TATDN2: variants seen among roughly 807,000 people sequenced by gnomAD.
TATDN2 encodes the protein 3'-5' RNA nuclease TATDN2.
TATDN2 carries 44 observed loss-of-function variants against 60.3 expected under a neutral mutation model. The ratio of observed to expected loss-of-function variants is 0.73; its 90% confidence interval spans 0.57 to 0.94. The LOEUF (loss-of-function observed/expected upper bound fraction) is 0.94, where lower values mean the gene tolerates loss of function less well. TATDN2 is among the 40% of genes least tolerant of loss of function. TATDN2 has a pLI of 0.00. For synonymous variants in TATDN2, 399 were observed against 355.8 expected (o/e 1.12, Z -1.37); for missense variants, 997 against 948.0 (o/e 1.05, Z -0.68).
chr3:10,278,584 G>C lies in TATDN2; in HGVS notation c.2145+122G>C, dbSNP rs1323765496. On this transcript the variant is annotated intron_variant, in intron 6 of 7. Transcript: ENST00000448281. This position sits in a 1 kb window ranked among gnomAD's most constrained non-coding sequence, Gnocchi z 4.7. ...ACTTCCAGGTCCCATCCTGGGCTGT[G>C]TAGATGCCTCCTTGCTGTTACTCTG... is the stretch of plus-strand genomic sequence containing the variant. 5.3e-6 allele frequency: 7 copies of C among 1,332,838 alleles called. No homozygotes were observed. The highest frequency in any genetic ancestry group is 7.5e-6 in the Non-Finnish European group (7 of 934,428). 82.6% of individuals were successfully genotyped at this position (1,332,838 alleles called of 1,614,324 possible). A position where few individuals can be genotyped will look rare whatever the true frequency, so the allele number is the denominator to read the frequency against.
At chr3:10,259,745 A>C (rs1389845437) in intron 2 of TATDN2, among the ~76,000 whole-genome samples, 1 of 152,178 alleles carries the variant, frequency 6.6e-6, no homozygotes, top group Non-Finnish European at 1.5e-5. Context: ...CTGGGTCCTC[A>C]GGTTTCCTTT....
At chr3:10,267,711 C>G (rs909075803) in intron 3 of TATDN2, among the ~76,000 whole-genome samples, 3 of 152,160 alleles carry the variant, frequency 2.0e-5, no homozygotes, top group African/African-American at 7.2e-5. Flanking sequence ...CACATTGAGG[C>G]AGTCTGTTTC....
chr3:10,278,689 G>A lies in TATDN2; in HGVS notation c.2146-196G>A. On this transcript the variant is annotated intron_variant, in intron 6 of 7. Transcript: ENST00000448281. The surrounding 1 kb of genome is among the most constrained non-coding windows in gnomAD (Gnocchi z 4.7). ...GCAGTGCAAAGCCCTACCCTGTAGA[G>A]GGTAGTCCAAGGAAGCGTGGGACCC... 1 of 989,530 alleles carries A rather than the reference G, an allele frequency of 1.0e-6. No individual in the cohort carries two copies. Among genetic ancestry groups the A allele is most frequent in the Non-Finnish European group, 1.5e-6 (1 of 646,144 alleles). 61.3% of individuals were successfully genotyped at this position (989,530 alleles called of 1,614,324 possible).
intron 2 of TATDN2, among the ~76,000 whole-genome samples, chr3:10,250,676 G>A (rs1698222336): frequency 6.6e-6 from 1 of 152,158 alleles, no homozygotes; most frequent in Non-Finnish European, 1.5e-5. Context: ...TTTCAATGTG[G>A]ACCTCACTGT....
chr3:10,248,588 C>G lies in TATDN2; in HGVS notation c.-486C>G, dbSNP rs556226758. On this transcript the variant is annotated 5_prime_UTR_variant, in exon 1 of 8. Transcript: ENST00000448281. ...GGGCTGGGGCAGGCGGCGGGCTGCCCGGCGGGACAGCTGCGGCAGCCGGCG... is the reference window on the plus strand; with the variant it reads ...GGGCTGGGGCAGGCGGCGGGCTGCCGGGCGGGACAGCTGCGGCAGCCGGCG... The G allele has an allele frequency of 8.3e-3, 1,259 of 151,960 alleles. 9 individuals are homozygous for G. Among genetic ancestry groups the G allele is most frequent in the Non-Finnish European group, 0.011 (768 of 68,004 alleles). The allele number at this position is 151,960 out of a possible 1,614,324, so 9.4% of individuals were successfully genotyped here.
At chr3:10,254,258 C>T (rs983277287) in intron 2 of TATDN2, among the ~76,000 whole-genome samples, 2 of 151,904 alleles carry the variant, frequency 1.3e-5, no homozygotes, top group African/African-American at 4.8e-5. Context: ...TTTGGAGTAC[C>T]CAAGGGTCAG....
At chr3:10,276,088 G>T (rs1022439464) in intron 4 of TATDN2, among the ~76,000 whole-genome samples, 1 of 152,228 alleles carries the variant, frequency 6.6e-6, no homozygotes, top group African/African-American at 2.4e-5. Context: ...TGCTATAGCT[G>T]CTGGCTGCAA....
At chr3:10,276,611 C>T (rs1381613428) in intron 5 of TATDN2, 123 bp downstream of exon 5, 31 of 1,291,822 alleles carry the variant, frequency 2.4e-5, no homozygotes, top group African/African-American at 2.0e-4. Context: ...TTTTTCGAGA[C>T]GGAATCTCAC....
intron 5 of TATDN2, among the ~76,000 whole-genome samples, chr3:10,277,129 G>A (rs2125182052): frequency 6.6e-6 from 1 of 152,184 alleles, no homozygotes; most frequent in South Asian, 2.1e-4. Flanking sequence ...GGGGTGTGGT[G>A]GCTTAGCACA....
In TATDN2 at chr3:10,248,460, T is replaced by C. The variant is rs7647843; in HGVS notation, c.-614T>C. On this transcript the variant is annotated 5_prime_UTR_variant, in exon 1 of 8. Transcript: ENST00000448281. The stretch of plus-strand genomic sequence containing the variant: ...CCGTTTGGCGCAGGCCCCGCCCCTG[T>C]CGCTCTCCGGCCTGCGGGCCGCAGG... 82,587 of 152,046 alleles carry C rather than the reference T, an allele frequency of 0.54. 24,900 individuals are homozygous for C. Among genetic ancestry groups the C allele is most frequent in the East Asian group, 0.95 (4,891 of 5,142 alleles). The allele number at this position is 152,046 out of a possible 1,614,324, so 9.4% of individuals were successfully genotyped here. A position where few individuals can be genotyped will look rare whatever the true frequency, so the allele number is the denominator to read the frequency against.
intron 2 of TATDN2, among the ~76,000 whole-genome samples, chr3:10,249,906 T>C (rs1267025034): frequency 6.6e-6 from 1 of 152,200 alleles, no homozygotes; most frequent in Non-Finnish European, 1.5e-5. Flanking sequence ...TTTATTGGGC[T>C]GAGGTGTGGT....
chr3:10,270,923 C>G lies in TATDN2; in HGVS notation c.1741C>G (p.Gln581Glu), dbSNP rs368014276. 21 of 1,614,054 alleles carry G rather than the reference C, an allele frequency of 1.3e-5. No homozygotes were observed. The highest frequency in any genetic ancestry group is 1.8e-5 in the Non-Finnish European group (21 of 1,180,036). The stretch of plus-strand genomic sequence containing the variant: ...TGAGAGTCAAGAAAGAAATCTTTTG[C>G]AAGCCTTAAGGCACCCTAAGGCTGT... Reference protein sequence around the residue: ...YSESQERNLLQALRHPKAVAF... With the variant: ...YSESQERNLLEALRHPKAVAF... Residue 581 changes from glutamine (Q) to glutamate (E), a missense_variant, in exon 4 of 8, where the codon CAA becomes GAA. Coordinates refer to ENST00000448281, the MANE Select transcript of TATDN2 (RefSeq NM_014760.4).
intron 3 of TATDN2, among the ~76,000 whole-genome samples, chr3:10,263,843 T>C (rs1220552334): frequency 6.6e-6 from 1 of 152,208 alleles, no homozygotes; most frequent in Non-Finnish European, 1.5e-5. Flanking sequence ...GTAAAGACTT[T>C]GAGCTTTGCT....
rs951450800 is a variant in TATDN2, at chr3:10,248,612, CG to C, written c.-456del. 6.6e-6 allele frequency: 1 copy of C among 151,888 alleles called. No individual in the cohort carries two copies. Among genetic ancestry groups the C allele is most frequent in the Non-Finnish European group, 1.5e-5 (1 of 67,982 alleles). 9.4% of individuals were successfully genotyped at this position (151,888 alleles called of 1,614,324 possible). A position where few individuals can be genotyped will look rare whatever the true frequency, so the allele number is the denominator to read the frequency against. ...CCGGCGGGACAGCTGCGGCAGCCGG[CG>C]GGGGGCGTCCTGAGTTGGCGGTCGA... On this transcript the variant is annotated 5_prime_UTR_variant, in exon 1 of 8. Coordinates refer to ENST00000448281, the MANE Select transcript of TATDN2 (RefSeq NM_014760.4).
chr3:10,268,374 G>C (rs1322363581), intron 3 of TATDN2, among the ~76,000 whole-genome samples: 1 of 152,208 alleles, frequency 6.6e-6, no homozygotes, highest in Non-Finnish European at 1.5e-5. Context: ...CAGCTAGAAT[G>C]CTCTTTCATT....
At position 10,260,400 on chromosome 3, in the gene TATDN2, GAGTGAAGGACCAGCCA is replaced by G; in HGVS notation, c.681_696del (p.Ser227ArgfsTer44). ...CCAGCCATGGAGAAGGACCAGCCAG[GAGTGAAGGACCAGCCA>G]AGACTGCAGAAGGAGCAGCCAGGAG... is the stretch of plus-strand genomic sequence containing the variant. On this transcript the variant is annotated frameshift_variant, in exon 3 of 8. Transcript: ENST00000448281. LOFTEE classifies it high-confidence loss of function. 1 of 1,613,630 alleles carries G rather than the reference GAGTGAAGGACCAGCCA, an allele frequency of 6.2e-7. No individual in the cohort carries two copies. Among genetic ancestry groups the G allele is most frequent in the East Asian group, 2.2e-5 (1 of 44,870 alleles).
chr3:10,262,557 G>T (rs1698422212), intron 3 of TATDN2, among the ~76,000 whole-genome samples: 1 of 110,076 alleles, frequency 9.1e-6, no homozygotes. Context: ...TTTTTGAGGT[G>T]GAGTCTCGTT....
In TATDN2 at chr3:10,271,028, T is replaced by G; in HGVS notation, c.1833+13T>G. The G allele has an allele frequency of 6.5e-7, 1 of 1,530,434 alleles. No homozygotes were observed. The highest frequency in any genetic ancestry group is 8.7e-7 in the Non-Finnish European group (1 of 1,145,392). The allele number at this position is 1,530,434 out of a possible 1,614,324, so 94.8% of individuals were successfully genotyped here. The stretch of plus-strand genomic sequence containing the variant: ...AGAACAGCACAAGGTAACAAGGCTC[T>G]CTTTAGTCTGCTTATAGTTTTAATT... On this transcript the variant is annotated intron_variant, in intron 4 of 7. Coordinates refer to ENST00000448281, the MANE Select transcript of TATDN2 (RefSeq NM_014760.4).
rs1698190809 is a variant in TATDN2, at chr3:10,249,583, C to T, written c.383C>T (p.Ala128Val). The change falls in exon 2 of 8, where the codon GCT becomes GTT. Residue 128 changes from alanine to valine, a missense_variant. Ala to Val is a moderately conservative substitution (Grantham distance 64). Transcript: ENST00000448281. ...RPANASLEEM[A>V]SLEEEACSLK... ...GCCAACGCCTCTTTGGAAGAAATGG[C>T]TTCTCTAGAGGAGGAAGCCTGCAGC... 6.5e-6 allele frequency: 10 copies of T among 1,540,612 alleles called. No homozygotes were observed. Among genetic ancestry groups the T allele is most frequent in the South Asian group, 2.5e-5 (2 of 79,050 alleles).
Sources: gnomAD v4.1 joint callset for allele counts (sites outside exome capture counted in the v4.1 genomes callset) on GRCh38, gnomAD v4.1.1 for gene constraint, Gnocchi (gnomAD v3.1) non-coding constraint, MANE v1.5 for transcripts, NCBI Gene and HGNC (gene_info 2026-07-23, HGNC 2026-07-21) for gene names.